The following TECRL variants were observed in gnomAD, a reference collection of about 807,000 sequenced individuals.
The protein encoded by TECRL is trans-2,3-enoyl-CoA reductase-like.
In TECRL, 63 loss-of-function variants were observed where a neutral mutation model predicts 52.8. The observed-to-expected ratio is 1.19, with a 90% confidence interval of 0.97 to 1.47. The LOEUF (loss-of-function observed/expected upper bound fraction) is 1.47, where lower values mean the gene tolerates loss of function less well. TECRL is among the 40% of genes most tolerant of loss of function. TECRL has a pLI of 0.00. For synonymous variants in TECRL, 164 were observed against 141.9 expected, an observed-to-expected ratio of 1.16 and a Z score of -1.10; for missense variants, 482 against 429.6, an observed-to-expected ratio of 1.12 and a Z score of -1.08.
intron 1 of TECRL, among the ~76,000 whole-genome samples, chr4:64,401,383 T>C (rs1307288883): frequency 6.6e-6 from 1 of 152,182 alleles, no homozygotes; most frequent in Non-Finnish European, 1.5e-5. Context: ...CTAAACTTTC[T>C]TCCTGGGTTG....
At chr4:64,377,509 C>A (rs1370813435) in intron 1 of TECRL, among the ~76,000 whole-genome samples, 1 of 151,968 alleles carries the variant, frequency 6.6e-6, no homozygotes, top group Non-Finnish European at 1.5e-5. Flanking sequence ...TTATTCATTT[C>A]CATAATTATA....
intron 2 of TECRL, among the ~76,000 whole-genome samples, chr4:64,339,532 T>A (rs886713297): frequency 6.6e-6 from 1 of 152,070 alleles, no homozygotes; most frequent in Non-Finnish European, 1.5e-5. Flanking sequence ...ATATTATTTC[T>A]TCTAATTGCT....
intron 2 of TECRL, among the ~76,000 whole-genome samples, chr4:64,373,962 T>C (rs115458234): frequency 4.3e-5 from 6 of 139,780 alleles, no homozygotes; most frequent in African/African-American, 1.6e-4. Flanking sequence ...ACACACTATA[T>C]GTATACAGTA....
intron 1 of TECRL, among the ~76,000 whole-genome samples, chr4:64,390,129 A>G (rs886785913): frequency 3.3e-5 from 5 of 151,908 alleles, no homozygotes; most frequent in African/African-American, 1.2e-4. Context: ...CTTAGAAGCC[A>G]GGCAGCTACA....
chr4:64,339,711 C>T (rs561187024), intron 2 of TECRL, among the ~76,000 whole-genome samples: 75 of 152,092 alleles, frequency 4.9e-4, no homozygotes, highest in Admixed American at 9.2e-4. Context: ...ACTCTTTCCC[C>T]GCGTCTTATA....
intron 2 of TECRL, among the ~76,000 whole-genome samples, chr4:64,334,189 T>G (rs1037598856): frequency 1.3e-5 from 2 of 152,102 alleles, no homozygotes; most frequent in Non-Finnish European, 2.9e-5. Flanking sequence ...GTCTTTCTTC[T>G]TAAGTAATAA....
intron 1 of TECRL, among the ~76,000 whole-genome samples, chr4:64,388,441 T>C (rs1435151850): frequency 2.0e-5 from 3 of 151,924 alleles, no homozygotes; most frequent in Admixed American, 6.6e-5. Flanking sequence ...GAGGAATCCT[T>C]GAAGTAAGGT....
intron 11 of TECRL, 98 bp downstream of exon 11, chr4:64,280,943 T>G (rs1722790976): frequency 4.1e-6 from 3 of 733,738 alleles, no homozygotes; most frequent in Non-Finnish European, 4.3e-6. Flanking sequence ...CCTTTTACAA[T>G]CATGCTATAC....
rs1203250977 is a variant in TECRL, at chr4:64,278,479, A to C, written c.*1593T>G. 4.0e-6 allele frequency: 1 copy of C among 253,000 alleles called. No individual in the cohort carries two copies. The highest frequency in any genetic ancestry group is 6.2e-6 in the Non-Finnish European group (1 of 160,588). The allele number at this position is 253,000 out of a possible 1,614,324, so 15.7% of individuals were successfully genotyped here. On this transcript the variant is annotated 3_prime_UTR_variant, in exon 12 of 12. Transcript: ENST00000381210. ...TCAGATACTTTTTAAATTAAATTTTATTTTTTGAGCGACATAAGAATTGAA... is the reference window on the plus strand; with the variant it reads ...TCAGATACTTTTTAAATTAAATTTTCTTTTTTGAGCGACATAAGAATTGAA...
At chr4:64,379,247 TACAC>T (rs4034911) in intron 1 of TECRL, among the ~76,000 whole-genome samples, 41,558 of 145,062 alleles carry the variant, frequency 0.29, 5,777 homozygotes, top group South Asian at 0.48. Context: ...CACACACACA[TACAC>T]ACACACACAC....
At chr4:64,388,402 A>G (rs1343511126) in intron 1 of TECRL, among the ~76,000 whole-genome samples, 1 of 151,866 alleles carries the variant, frequency 6.6e-6, no homozygotes, top group Non-Finnish European at 1.5e-5. Context: ...TTTCACTAAT[A>G]TCACATTTTC....
chr4:64,404,225 A>G (rs1724560369), intron 1 of TECRL, among the ~76,000 whole-genome samples: 1 of 151,422 alleles, frequency 6.6e-6, no homozygotes. Flanking sequence ...TTTACCAAAA[A>G]AAAAAAAAAA....
At chr4:64,379,635 A>C (rs2109699244) in intron 1 of TECRL, among the ~76,000 whole-genome samples, 1 of 152,094 alleles carries the variant, frequency 6.6e-6, no homozygotes, top group South Asian at 2.1e-4. Flanking sequence ...TCATTCCTTC[A>C]CTGTTGTTCC....
At chr4:64,280,771 T>C (rs1274370379) in intron 11 of TECRL, among the ~76,000 whole-genome samples, 4 of 152,164 alleles carry the variant, frequency 2.6e-5, no homozygotes, top group Non-Finnish European at 5.9e-5. Flanking sequence ...AAATGCGTTG[T>C]TATCAAAACT....
chr4:64,354,411 G>A (rs1407220079), intron 2 of TECRL, among the ~76,000 whole-genome samples: 2 of 152,142 alleles, frequency 1.3e-5, no homozygotes, highest in African/African-American at 4.8e-5. Flanking sequence ...AATTCCTGAT[G>A]AACTAGGAGA....
At chr4:64,399,163 A>G (rs1160048906) in intron 1 of TECRL, among the ~76,000 whole-genome samples, 1 of 152,134 alleles carries the variant, frequency 6.6e-6, no homozygotes, top group Non-Finnish European at 1.5e-5. Context: ...GCCCAACCAG[A>G]CAAACAGAAA....
intron 1 of TECRL, among the ~76,000 whole-genome samples, chr4:64,403,801 A>G (rs1724525988): frequency 6.6e-6 from 1 of 150,698 alleles, no homozygotes. Context: ...GAGGAGGAAA[A>G]GGGGGGCAGG....
intron 1 of TECRL, among the ~76,000 whole-genome samples, chr4:64,379,723 A>C (rs1008007978): frequency 6.6e-6 from 1 of 152,058 alleles, no homozygotes; most frequent in Non-Finnish European, 1.5e-5. Flanking sequence ...TTAAACCCCC[A>C]CACATGAATG....
intron 2 of TECRL, among the ~76,000 whole-genome samples, chr4:64,345,352 C>T (rs977174038): frequency 8.5e-5 from 13 of 152,084 alleles, no homozygotes; most frequent in African/African-American, 2.9e-4. Flanking sequence ...ACATATACAC[C>T]ATGGAATAAT....
Sources: gnomAD v4.1 joint callset for allele counts (sites outside exome capture counted in the v4.1 genomes callset) on GRCh38, gnomAD v4.1.1 for gene constraint, MANE v1.5 for transcripts, NCBI Gene and HGNC (gene_info 2026-07-23, HGNC 2026-07-21) for gene names.